PRELID2: variants seen among roughly 807,000 people sequenced by gnomAD.
PRELID2 encodes the protein PRELI domain-containing protein 2.
In PRELID2, 25 loss-of-function variants were observed where a neutral mutation model predicts 28.4. The ratio of observed to expected loss-of-function variants is 0.88; its 90% CI spans 0.64 to 1.23. The LOEUF (loss-of-function observed/expected upper bound fraction) is 1.23, where lower values mean the gene tolerates loss of function less well. PRELID2 is among the 50% of genes most tolerant of loss of function. PRELID2 has a pLI of 0.00. For missense variants in PRELID2, 201 were observed against 214.4 expected, an observed-to-expected ratio of 0.94 and a Z score of 0.39; for synonymous variants, 76 against 71.6, an observed-to-expected ratio of 1.06 and a Z score of -0.31.
intron 1 of PRELID2, among the ~76,000 whole-genome samples, chr5:145,680,570 G>C (rs1413518947): frequency 1.3e-5 from 2 of 152,202 alleles, no homozygotes; most frequent in Non-Finnish European, 2.9e-5. Flanking sequence ...TCTGTGAGAA[G>C]AGACAATTTG....
chr5:145,294,685 T>G, the PRELID2 span, among the ~76,000 whole-genome samples: 1 of 152,180 alleles, frequency 6.6e-6, no homozygotes, highest in Admixed American at 6.6e-5. Flanking sequence ...ATTTGTAACT[T>G]GTATAAGAAA....
In PRELID2 at chr5:145,644,453, CA is replaced by C. The variant is rs200028907; in HGVS notation, n.70+120477del. Among the ~76,000 whole-genome samples the C allele has an allele frequency of 1.3e-4, 19 of 148,830 alleles. No individual in the cohort carries two copies. The East Asian group carries it at 2.2e-3, about 17-fold the overall frequency. ...AGTTTATCTATTTTGTTGAACTTTT[CA>C]AAAAAAAACAGCTCCTGGATTCACT... On this transcript the variant is annotated intron_variant and non_coding_transcript_variant, in intron 1 of 2. Coordinates refer to the PRELID2 transcript ENST00000510259.
intron 1 of PRELID2, among the ~76,000 whole-genome samples, chr5:145,608,484 T>C (rs1373663806): frequency 6.6e-6 from 1 of 152,222 alleles, no homozygotes; most frequent in East Asian, 1.9e-4. Context: ...AGGATCTTAT[T>C]TCTCCATCAC....
rs147610992 is a variant in PRELID2 at position 145,517,000 on chromosome 5, A to C, written n.71-43685T>G. Among the ~76,000 whole-genome samples the C allele has an allele frequency of 3.6e-3, 554 of 152,336 alleles. 3 individuals carry two copies. Among genetic ancestry groups the C allele is most frequent in the African/African-American group, 0.013 (535 of 41,574 alleles). ...ACAAAAATTAACCCAAGATGGATTAAAGACTTAAAAGTAAGACCTAAAACC... is the reference window on the plus strand; with the variant it reads ...ACAAAAATTAACCCAAGATGGATTACAGACTTAAAAGTAAGACCTAAAACC... On this transcript the variant is annotated intron_variant and non_coding_transcript_variant, in intron 1 of 2. Coordinates refer to the PRELID2 transcript ENST00000510259.
At chr5:145,665,958 GA>G (rs1158054563) in intron 1 of PRELID2, among the ~76,000 whole-genome samples, 1 of 91,308 alleles carries the variant, frequency 1.1e-5, no homozygotes, top group Non-Finnish European at 2.4e-5. Context: ...ACTGCCTTAA[GA>G]AAAAAATAGC....
the PRELID2 span, among the ~76,000 whole-genome samples, chr5:145,290,208 T>A: frequency 1.3e-5 from 2 of 152,150 alleles, no homozygotes. Context: ...CTCAAGGATC[T>A]AGAACTAGAA....
chr5:145,508,649 TCTC>T (rs549150360), intron 1 of PRELID2, among the ~76,000 whole-genome samples: 9 of 152,282 alleles, frequency 5.9e-5, no homozygotes, highest in African/African-American at 2.2e-4. Flanking sequence ...GCACCTATCT[TCTC>T]CTCTTGCTCA....
chr5:145,506,677 A>G (rs989577201), intron 1 of PRELID2, among the ~76,000 whole-genome samples: 2 of 152,170 alleles, frequency 1.3e-5, no homozygotes, highest in Non-Finnish European at 2.9e-5. Context: ...TCTGCCCACA[A>G]TGGGAGGATA....
At chr5:145,313,089 C>T in the PRELID2 span, among the ~76,000 whole-genome samples, 1 of 152,108 alleles carries the variant, frequency 6.6e-6, no homozygotes, top group Non-Finnish European at 1.5e-5. Context: ...AGCAATTCTG[C>T]ATTTTTAACA....
chr5:145,238,081 A>G, the PRELID2 span, among the ~76,000 whole-genome samples: 1 of 152,084 alleles, frequency 6.6e-6, no homozygotes, highest in South Asian at 2.1e-4. Context: ...AACCTCTCTT[A>G]CATTGCTAGA....
the PRELID2 span, among the ~76,000 whole-genome samples, chr5:145,345,127 T>A: frequency 2.0e-5 from 3 of 152,144 alleles, no homozygotes; most frequent in African/African-American, 7.2e-5. Flanking sequence ...ACTTTTCTGT[T>A]TTGTTTTGAC....
At chr5:145,808,590 C>T (rs1753707811) in intron 4 of PRELID2, among the ~76,000 whole-genome samples, 1 of 151,920 alleles carries the variant, frequency 6.6e-6, no homozygotes, top group South Asian at 2.1e-4. Context: ...TGTATTGACC[C>T]AACAATAGTG....
the PRELID2 span, among the ~76,000 whole-genome samples, chr5:145,459,813 ATTT>A: frequency 7.0e-6 from 1 of 141,906 alleles, no homozygotes. Flanking sequence ...TTACAATTTA[ATTT>A]TTTTTTTTTT....
chr5:145,462,146 A>C, the PRELID2 span, among the ~76,000 whole-genome samples: 2 of 152,206 alleles, frequency 1.3e-5, no homozygotes, highest in African/African-American at 4.8e-5. Flanking sequence ...TGCAGCTGAT[A>C]GTACGTAAGC....
intron 5 of PRELID2, among the ~76,000 whole-genome samples, chr5:145,770,111 A>C (rs1032397729): frequency 6.6e-6 from 1 of 152,238 alleles, no homozygotes; most frequent in African/African-American, 2.4e-5. Context: ...CAGTTGTATA[A>C]AAGTATAGCA....
the PRELID2 span, among the ~76,000 whole-genome samples, chr5:145,445,381 A>G: frequency 6.6e-6 from 1 of 152,208 alleles, no homozygotes; most frequent in East Asian, 1.9e-4. Context: ...AATCAACTCA[A>G]AATGAATCAA....
At chr5:145,251,318 A>C in the PRELID2 span, among the ~76,000 whole-genome samples, 1 of 152,100 alleles carries the variant, frequency 6.6e-6, no homozygotes, top group Non-Finnish European at 1.5e-5. Flanking sequence ...GCATTTACAG[A>C]ATACACAATA....
chr5:145,403,845 C>T, the PRELID2 span, among the ~76,000 whole-genome samples: 46 of 152,308 alleles, frequency 3.0e-4, no homozygotes, highest in African/African-American at 1.1e-3. Flanking sequence ...TAATATAGTA[C>T]TGTCTCACCC....
chr5:145,528,221 G>A (rs1752625171), intron 1 of PRELID2, among the ~76,000 whole-genome samples: 2 of 152,064 alleles, frequency 1.3e-5, no homozygotes, highest in South Asian at 4.1e-4. Flanking sequence ...GTATACATCT[G>A]GAGAGCTATG....
Sources: allele counts gnomAD v4.1 joint callset (sites outside exome capture counted in the v4.1 genomes callset), GRCh38; gene constraint gnomAD v4.1.1; transcripts MANE v1.5; gene names NCBI Gene and HGNC (gene_info 2026-07-23, HGNC 2026-07-21).